Variants in SERPINB11 observed in about 807,000 individuals in gnomAD.
The protein encoded by SERPINB11 is serpin B11.
Under a neutral mutation model 36.7 loss-of-function variants are expected in SERPINB11, and 32 were observed. The ratio of observed to expected loss-of-function variants is 0.87; its 90% CI spans 0.66 to 1.17. The LOEUF (loss-of-function observed/expected upper bound fraction) is 1.17, where lower values mean the gene tolerates loss of function less well. Ranked by LOEUF, SERPINB11 falls within the 50% of genes most tolerant of loss-of-function variation. The probability of loss-of-function intolerance (pLI) is 0.00; values close to 1 mark genes in which losing one functional copy is unlikely to be tolerated. For missense variants in SERPINB11, 528 were observed against 458.4 expected (o/e 1.15, Z -1.39); for synonymous variants, 174 against 168.1 (o/e 1.04, Z -0.27).
At chr18:63,707,338 C>A (rs952857) in intron 1 of SERPINB11, among the ~76,000 whole-genome samples, 56,452 of 151,950 alleles carry the variant, frequency 0.37, 11,346 homozygotes, top group East Asian at 0.61. Flanking sequence ...GAACTTCTGA[C>A]TAGGTGACAT....
At chr18:63,705,504 T>C (rs911377520) in intron 1 of SERPINB11, 4 of 152,180 alleles carry the variant, frequency 2.6e-5, no homozygotes, top group African/African-American at 9.7e-5. Flanking sequence ...ATGAACTGGG[T>C]CAAAGGCCAT....
chr18:63,721,020 G>A (rs775905349), intron 7 of SERPINB11, 34 bp downstream of exon 7: 19 of 1,541,826 alleles, frequency 1.2e-5, no homozygotes, highest in African/African-American at 2.7e-5. Context: ...TGCAGTTAAA[G>A]CATGTGTGCA....
At chr18:63,721,046 A>T in intron 7 of SERPINB11, 60 bp downstream of exon 7, 1 of 1,347,358 alleles carries the variant, frequency 7.4e-7, no homozygotes, top group Admixed American at 1.9e-5. Context: ...ACACACACAC[A>T]CACAGACACA....
At position 63,723,726 on chromosome 18, in the gene SERPINB11, G is replaced by T. The variant is rs190193293; in HGVS notation, c.*327G>T. The stretch of plus-strand genomic sequence containing the variant: ...TTTCTTGACTTGTATGTATCTGTGA[G>T]ATCTTGAATAAGTGACCTGACATCT... On this transcript the variant is annotated 3_prime_UTR_variant, in exon 8 of 8. Coordinates refer to ENST00000544088, the MANE Select transcript of SERPINB11 (RefSeq NM_001370475.1). 48 of 215,902 alleles carry T rather than the reference G, an allele frequency of 2.2e-4. No individual in the cohort carries two copies. The Admixed American group carries it at 2.7e-3, about 12-fold the overall frequency. The allele number at this position is 215,902 out of a possible 1,614,324, so 13.4% of individuals were successfully genotyped here.
At chr18:63,711,522 A>C (rs1255127699) in intron 3 of SERPINB11, 128 bp downstream of exon 3, 2 of 679,970 alleles carry the variant, frequency 2.9e-6, no homozygotes, top group Non-Finnish European at 5.2e-6. Context: ...TCCCCCTTTA[A>C]CCTTCCTGAT....
chr18:63,710,439 A>C, intron 2 of SERPINB11, 78 bp downstream of exon 2: 2 of 1,187,278 alleles, frequency 1.7e-6, no homozygotes, highest in South Asian at 3.5e-5. Flanking sequence ...AATTAATTCT[A>C]TCTTTATACC....
intron 7 of SERPINB11, among the ~76,000 whole-genome samples, chr18:63,722,225 T>G (rs989461837): frequency 1.3e-5 from 2 of 152,140 alleles, no homozygotes; most frequent in African/African-American, 2.4e-5. Flanking sequence ...CCTTTGCTTT[T>G]TGGTGGCTTT....
chr18:63,717,528 C>G (rs1299205937), intron 5 of SERPINB11, among the ~76,000 whole-genome samples: 1 of 152,074 alleles, frequency 6.6e-6, no homozygotes, highest in Non-Finnish European at 1.5e-5. Context: ...TCCTTGCCAA[C>G]ACTTGGTAGT....
At chr18:63,704,302 C>A (rs1466258977) in intron 1 of SERPINB11, among the ~76,000 whole-genome samples, 1 of 152,194 alleles carries the variant, frequency 6.6e-6, no homozygotes, top group Non-Finnish European at 1.5e-5. Context: ...TCCATACACA[C>A]CTCTGCACAT....
chr18:63,721,012 C>T (rs770533888), intron 7 of SERPINB11, 26 bp downstream of exon 7: 15 of 1,567,124 alleles, frequency 9.6e-6, no homozygotes, highest in Non-Finnish European at 6.1e-6. Context: ...TGCTATAATG[C>T]AGTTAAAGCA....
In SERPINB11 at chr18:63,716,044, A is replaced by G. The variant is rs749417694; in HGVS notation, c.367A>G (p.Ser123Gly). 2.8e-5 allele frequency: 45 copies of G among 1,604,454 alleles called. No individual in the cohort carries two copies. Among genetic ancestry groups the G allele is most frequent in the Non-Finnish European group, 3.8e-5 (44 of 1,173,038 alleles). ...ATCATGTCTTTCATAGCAATATTTAAGCTGTTCTGAGAAATGGTATCAAGC... is the reference window on the plus strand; with the variant it reads ...ATCATGTCTTTCATAGCAATATTTAGGCTGTTCTGAGAAATGGTATCAAGC... ...KTMAFHQQYL[S>G]CSEKWYQARL... The change falls in exon 5 of 8, where the codon AGC (serine) becomes GGC (glycine). Residue 123 changes from serine (S) to glycine (G), a missense_variant. Coordinates refer to ENST00000544088, the MANE Select transcript of SERPINB11 (RefSeq NM_001370475.1).
At chr18:63,711,205 C>T (rs1331238700) in intron 2 of SERPINB11, 130 bp from the exon 3 acceptor site, 2 of 697,092 alleles carry the variant, frequency 2.9e-6, no homozygotes, top group East Asian at 2.6e-5. Context: ...GGACTTGGAA[C>T]ACATTATTAA....
At chr18:63,706,249 T>A (rs1199778536) in intron 1 of SERPINB11, among the ~76,000 whole-genome samples, 1 of 152,240 alleles carries the variant, frequency 6.6e-6, no homozygotes, top group African/African-American at 2.4e-5. Context: ...TGGGTCATTA[T>A]TTTGAAAGTC....
chr18:63,704,816 C>A (rs1914329604), intron 1 of SERPINB11, among the ~76,000 whole-genome samples: 1 of 152,118 alleles, frequency 6.6e-6, no homozygotes, highest in Non-Finnish European at 1.5e-5. Context: ...GTAAGTTGGC[C>A]ATTTCCTTTA....
intron 4 of SERPINB11, among the ~76,000 whole-genome samples, chr18:63,714,123 A>G (rs1026684862): frequency 6.6e-6 from 1 of 152,122 alleles, no homozygotes; most frequent in Non-Finnish European, 1.5e-5. Flanking sequence ...GGGAAAGAGT[A>G]CAACAGAGAG....
chr18:63,717,534 G>A (rs1369653566), intron 5 of SERPINB11, among the ~76,000 whole-genome samples: 1 of 151,964 alleles, frequency 6.6e-6, no homozygotes, highest in Admixed American at 6.6e-5. Flanking sequence ...CCAACACTTG[G>A]TAGTGTAAGG....
At chr18:63,711,543 G>A in intron 3 of SERPINB11, 149 bp downstream of exon 3, 1 of 607,516 alleles carries the variant, frequency 1.6e-6, no homozygotes, top group Non-Finnish European at 2.9e-6. Flanking sequence ...GATAACTACA[G>A]CCTGTAGAGT....
rs548652846 is a variant in SERPINB11, at chr18:63,703,733, C to T, written c.-16+727C>T. ...TGTAAGATACTGGTGTCTTAGCCAC[C>T]CTTGGAGATGTATTTCCCCCAAAAG... On this transcript the variant is annotated intron_variant, in intron 1 of 7. Coordinates refer to ENST00000544088, the MANE Select transcript of SERPINB11 (RefSeq NM_001370475.1). 4.6e-5 allele frequency among the ~76,000 whole-genome samples: 7 copies of T among 152,266 alleles called. 1 individual carries two copies. The East Asian group carries it at 9.7e-4, about 21-fold the overall frequency.
intron 1 of SERPINB11, among the ~76,000 whole-genome samples, chr18:63,704,273 A>G (rs1246919671): frequency 6.6e-6 from 1 of 152,234 alleles, no homozygotes; most frequent in African/African-American, 2.4e-5. Flanking sequence ...TATTAAATGA[A>G]CCAAAATCTA....
Sources: gnomAD v4.1 joint callset for allele counts (sites outside exome capture counted in the v4.1 genomes callset) on GRCh38, gnomAD v4.1.1 for gene constraint, MANE v1.5 for transcripts, NCBI Gene and HGNC (gene_info 2026-07-23, HGNC 2026-07-21) for gene names.